INPP5A: variants seen among roughly 807,000 people sequenced by gnomAD.
INPP5A encodes 43 kDa inositol polyphosphate 5-phophatase.
Under a neutral mutation model 65.2 loss-of-function variants are expected in INPP5A, and 14 were observed. The observed-to-expected ratio is 0.21, with a 90% CI of 0.14 to 0.34. INPP5A has a LOEUF of 0.34. Among genes scored for constraint, INPP5A ranks in the 10% least tolerant of loss-of-function variants. The pLI is 1.00. For synonymous variants in INPP5A, 207 were observed against 208.3 expected (o/e 0.99, Z 0.05); for missense variants, 431 against 545.6 (o/e 0.79, Z 2.09).
intron 1 of INPP5A, among the ~76,000 whole-genome samples, chr10:132,590,136 T>A (rs2071600592): frequency 6.6e-6 from 1 of 152,168 alleles, no homozygotes; most frequent in African/African-American, 2.4e-5. Context: ...TTGAAATAAT[T>A]GGTCAAGGTA....
chr10:132,646,014 G>A (rs761720187), intron 3 of INPP5A, 46 bp downstream of exon 3: 1 of 1,362,672 alleles, frequency 7.3e-7, no homozygotes, highest in South Asian at 1.2e-5. Context: ...TCCCAGGGGT[G>A]TGGGGTGCCG....
chr10:132,648,783 C>T (rs2072533330), intron 3 of INPP5A, among the ~76,000 whole-genome samples: 1 of 152,198 alleles, frequency 6.6e-6, no homozygotes, highest in Non-Finnish European at 1.5e-5. Context: ...GTGCCCTTTC[C>T]TCCACTGCTA....
chr10:132,757,017 T>C (rs1565003059), intron 11 of INPP5A, among the ~76,000 whole-genome samples: 1 of 152,248 alleles, frequency 6.6e-6, no homozygotes, highest in Non-Finnish European at 1.5e-5. Context: ...CAATATTTTA[T>C]ACAGCTATAC....
At chr10:132,563,462 A>C (rs1429161184) in intron 1 of INPP5A, among the ~76,000 whole-genome samples, 1 of 152,196 alleles carries the variant, frequency 6.6e-6, no homozygotes, top group East Asian at 1.9e-4. Flanking sequence ...CATCTTCATG[A>C]GTTCACAAAA....
At chr10:132,640,425 G>A (rs2072411739) in intron 2 of INPP5A, among the ~76,000 whole-genome samples, 1 of 152,244 alleles carries the variant, frequency 6.6e-6, no homozygotes, top group African/African-American at 2.4e-5. Flanking sequence ...GTTTCTTTCT[G>A]TTGCTCTTCT....
intron 1 of INPP5A, among the ~76,000 whole-genome samples, chr10:132,565,719 TTGTGTGTG>T (rs140193152): frequency 1.4e-5 from 2 of 146,170 alleles, no homozygotes; most frequent in Admixed American, 6.8e-5. Flanking sequence ...GTGCCTGAGT[TTGTGTGTG>T]TGTGTGTGTG....
chr10:132,580,072 G>T (rs1321024858), intron 1 of INPP5A, among the ~76,000 whole-genome samples: 1 of 152,012 alleles, frequency 6.6e-6, no homozygotes, highest in East Asian at 1.9e-4. Flanking sequence ...AGTTTTCATT[G>T]AATAATCTGC....
At chr10:132,664,488 CA>C (rs1458633541) in intron 4 of INPP5A, among the ~76,000 whole-genome samples, 1 of 152,226 alleles carries the variant, frequency 6.6e-6, no homozygotes, top group Non-Finnish European at 1.5e-5. Context: ...CCTGATGTCC[CA>C]AAGGGAACAT....
intron 1 of INPP5A, among the ~76,000 whole-genome samples, chr10:132,564,851 C>T (rs1564917944): frequency 6.6e-6 from 1 of 152,048 alleles, no homozygotes; most frequent in South Asian, 2.1e-4. Context: ...TCATGCAGCA[C>T]GTGTCTGTTG....
chr10:132,693,155 T>C (rs1845295334), intron 5 of INPP5A, among the ~76,000 whole-genome samples: 1 of 152,162 alleles, frequency 6.6e-6, no homozygotes, highest in African/African-American at 2.4e-5. Context: ...AAAAGCTTTT[T>C]AAAAGAAGTA....
rs1356980360 is a variant in INPP5A at position 132,663,635 on chromosome 10, G to A, written c.306+13130G>A. On this transcript the variant is annotated intron_variant, in intron 4 of 15. Transcript: ENST00000368594. The surrounding 1 kb of genome is among the most constrained non-coding windows in gnomAD (Gnocchi z 4.5). The stretch of plus-strand genomic sequence containing the variant: ...CTGTACTTTCTCTGCACTCTGAGCC[G>A]GCAGGTGCCACTTCTAGCTTCTGGC... 6.6e-6 allele frequency among the ~76,000 whole-genome samples: 1 copy of A among 152,208 alleles called. No individual in the cohort carries two copies. The highest frequency in any genetic ancestry group is 2.4e-5 in the African/African-American group (1 of 41,452).
At chr10:132,594,070 C>T (rs987729875) in intron 1 of INPP5A, among the ~76,000 whole-genome samples, 2 of 152,048 alleles carry the variant, frequency 1.3e-5, no homozygotes, top group African/African-American at 2.4e-5. Flanking sequence ...GGGTGTGTGT[C>T]GTGGCACACA....
chr10:132,580,391 G>C (rs923392451), intron 1 of INPP5A, among the ~76,000 whole-genome samples: 2 of 152,180 alleles, frequency 1.3e-5, no homozygotes, highest in Non-Finnish European at 2.9e-5. Flanking sequence ...GGTAAGGCGT[G>C]CTTTCTTCTT....
intron 1 of INPP5A, among the ~76,000 whole-genome samples, chr10:132,561,129 C>T (rs534325501): frequency 6.3e-5 from 9 of 142,860 alleles, no homozygotes; most frequent in Admixed American, 1.5e-4. Flanking sequence ...GTGGTGTGAT[C>T]GTGGTTCATT....
intron 2 of INPP5A, among the ~76,000 whole-genome samples, chr10:132,645,253 G>T (rs1291495470): frequency 1.3e-5 from 2 of 152,210 alleles, no homozygotes; most frequent in African/African-American, 2.4e-5. Flanking sequence ...GTGATGCCAG[G>T]CTCAGGTTCC....
chr10:132,613,765 C>T (rs1222732848), intron 2 of INPP5A, among the ~76,000 whole-genome samples: 2 of 152,192 alleles, frequency 1.3e-5, no homozygotes, highest in East Asian at 1.9e-4. Context: ...GAGTGGGCCT[C>T]GCCAGGGCTG....
chr10:132,641,345 C>G (rs1306270827), intron 2 of INPP5A, among the ~76,000 whole-genome samples: 4 of 152,200 alleles, frequency 2.6e-5, no homozygotes, highest in African/African-American at 9.7e-5. Flanking sequence ...TATAAACTTT[C>G]TTGTTGTGCC....
At chr10:132,756,694 C>T (rs1388681335) in intron 11 of INPP5A, among the ~76,000 whole-genome samples, 1 of 152,252 alleles carries the variant, frequency 6.6e-6, no homozygotes, top group African/African-American at 2.4e-5. Context: ...TCCCACACTT[C>T]TTACCATTAC....
intron 1 of INPP5A, among the ~76,000 whole-genome samples, chr10:132,559,789 C>A (rs1202174050): frequency 6.6e-6 from 1 of 152,236 alleles, no homozygotes. Context: ...GTTCCAGGGA[C>A]TCCACTTACT....
Sources: gnomAD v4.1 joint callset for allele counts (sites outside exome capture counted in the v4.1 genomes callset) on GRCh38, gnomAD v4.1.1 for gene constraint, Gnocchi (gnomAD v3.1) non-coding constraint, MANE v1.5 for transcripts, NCBI Gene and HGNC (gene_info 2026-07-23, HGNC 2026-07-21) for gene names.